The following DCAF6 variants were observed in gnomAD, a reference collection of about 807,000 sequenced individuals.
DCAF6 encodes DDB1- and CUL4-associated factor 6.
A neutral mutation model predicts 125.1 loss-of-function variants in DCAF6; 54 were observed. That is an observed-to-expected ratio of 0.43 (90% CI 0.35 to 0.54). The LOEUF is 0.54. DCAF6 is among the 20% of genes least tolerant of loss of function. The pLI is 0.01. For missense variants in DCAF6, 934 were observed against 1,161.7 expected (o/e 0.80, Z 2.85); for synonymous variants, 371 against 390.4 (o/e 0.95, Z 0.58).
intron 10 of DCAF6, among the ~76,000 whole-genome samples, chr1:168,006,556 C>T (rs1683366184): frequency 6.6e-6 from 1 of 152,062 alleles, no homozygotes; most frequent in Non-Finnish European, 1.5e-5. Flanking sequence ...TTCAACGTTT[C>T]AGGAGTAAGG....
At chr1:167,869,387 A>G in the DCAF6 span, among the ~76,000 whole-genome samples, 14 of 152,288 alleles carry the variant, frequency 9.2e-5, no homozygotes, top group East Asian at 2.3e-3. Flanking sequence ...AAGAGTGAGA[A>G]CTCCCACTAA....
chr1:167,864,860 C>T, the DCAF6 span, among the ~76,000 whole-genome samples: 1 of 143,166 alleles, frequency 7.0e-6, no homozygotes, highest in African/African-American at 2.7e-5. Context: ...GGCCCAGATG[C>T]ATTCAATCTG....
chr1:167,976,725 A>G (rs1013758079), intron 4 of DCAF6, among the ~76,000 whole-genome samples: 2 of 151,844 alleles, frequency 1.3e-5, no homozygotes, highest in African/African-American at 4.8e-5. Context: ...ATTTAGTTAT[A>G]TTCTGTTTTC....
chr1:167,872,646 G>C, the DCAF6 span, among the ~76,000 whole-genome samples: 4 of 151,558 alleles, frequency 2.6e-5, no homozygotes, highest in Non-Finnish European at 4.4e-5. Context: ...CCTTGTAAAA[G>C]AAGGGCATTT....
At chr1:168,038,510 G>A (rs771825936) in intron 13 of DCAF6, 22 bp downstream of exon 13, 14 of 1,489,246 alleles carry the variant, frequency 9.4e-6, no homozygotes. Flanking sequence ...TTTTTGTAAA[G>A]ATGTTCTTAG....
intron 17 of DCAF6, 25 bp downstream of exon 17, chr1:168,050,958 T>C (rs1689840331): frequency 9.9e-7 from 1 of 1,011,596 alleles, no homozygotes; most frequent in Non-Finnish European, 1.3e-6. Context: ...TCCTTCATAA[T>C]TTTTTTTTTA....
Position 167,974,955 on chromosome 1 carries a change from G to T in DCAF6, c.378G>T (p.Glu126Asp), listed in dbSNP as rs770670114. 12 of 1,608,406 alleles carry T rather than the reference G, an allele frequency of 7.5e-6. No homozygotes were observed. Among genetic ancestry groups the T allele is most frequent in the Non-Finnish European group, 1.0e-5 (12 of 1,177,446 alleles). ...GAGTAATATTTTATACCAACGTTGA[G>T]CAAGATGCAGAAACCAACAGACAAT... ...GDGVIFYTNV[E>D]QDAETNRQCQ... is the part of the protein sequence containing the mutation. The change falls in exon 4 of 22, where the codon GAG becomes GAT. Residue 126 changes from glutamate to aspartate, a missense_variant. Glu to Asp is a conservative substitution (Grantham distance 45). This residue lies in a region of DCAF6 where 309 missense variants were observed against 381.2 expected (regional missense o/e 0.81). Coordinates refer to ENST00000367840, the MANE Select transcript of DCAF6 (RefSeq NM_001198956.2).
intron 17 of DCAF6, among the ~76,000 whole-genome samples, chr1:168,058,481 A>G (rs1691180047): frequency 6.6e-6 from 1 of 152,240 alleles, no homozygotes; most frequent in Non-Finnish European, 1.5e-5. Flanking sequence ...TTGGTAAACA[A>G]TAATATGGTC....
intron 11 of DCAF6, among the ~76,000 whole-genome samples, chr1:168,016,736 AT>A (rs1685025863): frequency 6.6e-6 from 1 of 152,124 alleles, no homozygotes; most frequent in Admixed American, 6.5e-5. Context: ...TGGGTAATAG[AT>A]ACTGTAAATC....
At chr1:168,016,745 A>G (rs1685027436) in intron 11 of DCAF6, among the ~76,000 whole-genome samples, 1 of 152,108 alleles carries the variant, frequency 6.6e-6, no homozygotes, top group Non-Finnish European at 1.5e-5. Flanking sequence ...GATACTGTAA[A>G]TCCTATAGTA....
At chr1:167,963,549 T>C (rs1173832605) in intron 2 of DCAF6, among the ~76,000 whole-genome samples, 2 of 151,472 alleles carry the variant, frequency 1.3e-5, no homozygotes, top group Admixed American at 6.6e-5. Flanking sequence ...CAAGTGATTC[T>C]CCTGCCTCAG....
At chr1:167,905,214 A>G in the DCAF6 span, 1 of 1,503,670 alleles carries the variant, frequency 6.7e-7, no homozygotes. Context: ...AAGAAAATTG[A>G]AATAGAGGAA....
chr1:168,054,216 C>A (rs1030668933), intron 17 of DCAF6, among the ~76,000 whole-genome samples: 1 of 152,130 alleles, frequency 6.6e-6, no homozygotes, highest in Non-Finnish European at 1.5e-5. Context: ...AAAAGAAATG[C>A]ATTTTTTACA....
chr1:167,940,572 T>C (rs930464685), intron 1 of DCAF6, among the ~76,000 whole-genome samples: 2 of 152,114 alleles, frequency 1.3e-5, no homozygotes, highest in Non-Finnish European at 2.9e-5. Flanking sequence ...TGTTTAAATG[T>C]AATAGTTTCT....
intron 1 of DCAF6, among the ~76,000 whole-genome samples, chr1:167,940,970 G>A (rs1672147275): frequency 6.6e-6 from 1 of 152,092 alleles, no homozygotes; most frequent in African/African-American, 2.4e-5. Context: ...ATTAGAGTCA[G>A]TATGTACTGA....
At chr1:167,884,694 ATTTT>A in the DCAF6 span, among the ~76,000 whole-genome samples, 3 of 108,624 alleles carry the variant, frequency 2.8e-5, no homozygotes, top group African/African-American at 3.7e-5. Flanking sequence ...AATCATTTTA[ATTTT>A]TTTTTTTTTT....
the DCAF6 span, among the ~76,000 whole-genome samples, chr1:167,912,364 G>A: frequency 6.6e-6 from 1 of 152,166 alleles, no homozygotes; most frequent in South Asian, 2.1e-4. Context: ...TGGCGATTCC[G>A]GAGGCCTTCT....
intron 7 of DCAF6, among the ~76,000 whole-genome samples, chr1:168,000,114 T>C (rs911665113): frequency 2.4e-4 from 37 of 152,256 alleles, no homozygotes; most frequent in Admixed American, 2.2e-3. Context: ...TTGTTGTGTC[T>C]CAAGAAATTG....
At chr1:168,000,381 G>T (rs112544469) in intron 7 of DCAF6, among the ~76,000 whole-genome samples, 1 of 152,214 alleles carries the variant, frequency 6.6e-6, no homozygotes, top group East Asian at 1.9e-4. Flanking sequence ...GGAAAAAATA[G>T]CACCAATAGT....
Sources: allele counts gnomAD v4.1 joint callset (sites outside exome capture counted in the v4.1 genomes callset), GRCh38; gene constraint gnomAD v4.1.1; regional missense constraint gnomAD v4.1.1; transcripts MANE v1.5; gene names NCBI Gene and HGNC (gene_info 2026-07-23, HGNC 2026-07-21).